Variants in NR2F1-AS1 observed in about 807,000 individuals in gnomAD.
The protein encoded by NR2F1-AS1 is NR2F1 antisense RNA 1.
intron 4 of NR2F1-AS1, among the ~76,000 whole-genome samples, chr5:93,468,450 T>C (rs958691302): frequency 4.6e-5 from 7 of 152,222 alleles, no homozygotes; most frequent in African/African-American, 7.2e-5. Context: ...AATGTCTTCT[T>C]TTGAGAAGTG....
chr5:93,573,688 G>T (rs1752829495), intron 1 of NR2F1-AS1, among the ~76,000 whole-genome samples: 1 of 152,208 alleles, frequency 6.6e-6, no homozygotes, highest in South Asian at 2.1e-4. Flanking sequence ...GACTGGTTTT[G>T]ATGACAGTGA....
intron 4 of NR2F1-AS1, among the ~76,000 whole-genome samples, chr5:93,425,943 T>G (rs1414790471): frequency 2.0e-5 from 3 of 151,962 alleles, no homozygotes; most frequent in African/African-American, 7.2e-5. Flanking sequence ...AAACAAAGAT[T>G]AAAGTCTCCC....
intron 4 of NR2F1-AS1, among the ~76,000 whole-genome samples, chr5:93,482,748 C>T (rs7719664): frequency 0.021 from 3,157 of 152,216 alleles, 124 homozygotes; most frequent in African/African-American, 0.072. Flanking sequence ...CAACCTGGGA[C>T]GCTCTAGCTT....
rs1419635676 is a variant in NR2F1-AS1, at chr5:93,490,285, ATAGTTTTCAT to A, written n.638+63466_638+63475del. On this transcript the variant is annotated intron_variant and non_coding_transcript_variant, in intron 4 of 5. Transcript: ENST00000660523. Reference sequence around the variant, plus strand: ...GAGCTTTCCCTAATTAGACAGACTCATAGTTTTCATTAAGAAGTTCAGTAAATAAATATTT... The same window carrying A: ...GAGCTTTCCCTAATTAGACAGACTCATAAGAAGTTCAGTAAATAAATATTT... 3.9e-5 allele frequency among the ~76,000 whole-genome samples: 6 copies of A among 152,370 alleles called. No individual in the cohort carries two copies. In the East Asian group the frequency reaches 1.2e-3, roughly 29 times the overall value.
rs116513208 is a variant in NR2F1-AS1 at position 93,423,550 on chromosome 5, T to C, written n.639-28008A>G. 5.9e-3 allele frequency among the ~76,000 whole-genome samples: 903 copies of C among 152,330 alleles called. 2 individuals are homozygous for C. Among genetic ancestry groups the C allele is most frequent in the Non-Finnish European group, 0.01 (685 of 68,030 alleles). Reference sequence around the variant, plus strand: ...CATTGCTTTGCACTGAGATCAGGATTATGGTGCCCAAGTAGGCACTCTTGT... The same window carrying C: ...CATTGCTTTGCACTGAGATCAGGATCATGGTGCCCAAGTAGGCACTCTTGT... On this transcript the variant is annotated intron_variant and non_coding_transcript_variant, in intron 4 of 5. Coordinates refer to ENST00000660523, the Ensembl canonical transcript of NR2F1-AS1.
intron 4 of NR2F1-AS1, among the ~76,000 whole-genome samples, chr5:93,448,784 T>C (rs1467591921): frequency 1.3e-5 from 2 of 152,176 alleles, no homozygotes; most frequent in Admixed American, 6.5e-5. Flanking sequence ...AGGTCTTCAG[T>C]TGACAGGCTG....
intron 4 of NR2F1-AS1, among the ~76,000 whole-genome samples, chr5:93,475,454 G>C (rs1441508617): frequency 2.6e-5 from 4 of 152,286 alleles, no homozygotes; most frequent in Middle Eastern, 6.8e-3. Context: ...AGAATTAGCA[G>C]ATTACTACAA....
intron 4 of NR2F1-AS1, among the ~76,000 whole-genome samples, chr5:93,444,416 CAG>C (rs1350550727): frequency 6.6e-6 from 1 of 152,110 alleles, no homozygotes; most frequent in African/African-American, 2.4e-5. Context: ...TCTGATCAAA[CAG>C]ACTTTAAACC....
intron 4 of NR2F1-AS1, among the ~76,000 whole-genome samples, chr5:93,427,660 G>A (rs1183038676): frequency 6.6e-6 from 1 of 152,140 alleles, no homozygotes; most frequent in Non-Finnish European, 1.5e-5. Context: ...ACCACTTGCT[G>A]ACAGTAAATT....
At chr5:93,508,155 A>G (rs1751224287) in intron 4 of NR2F1-AS1, among the ~76,000 whole-genome samples, 1 of 152,202 alleles carries the variant, frequency 6.6e-6, no homozygotes, top group Non-Finnish European at 1.5e-5. Flanking sequence ...GACTGAAAAT[A>G]AGATACTTTT....
chr5:93,455,563 T>G (rs2149859823), intron 4 of NR2F1-AS1, among the ~76,000 whole-genome samples: 1 of 152,190 alleles, frequency 6.6e-6, no homozygotes, highest in South Asian at 2.1e-4. Context: ...ATAGAGAAAC[T>G]TACTTTAAAC....
intron 4 of NR2F1-AS1, among the ~76,000 whole-genome samples, chr5:93,445,089 G>A (rs74941360): frequency 1.3e-5 from 2 of 152,100 alleles, no homozygotes; most frequent in Non-Finnish European, 2.9e-5. Context: ...ATACCAACAA[G>A]AGGAAGCAGG....
intron 1 of NR2F1-AS1, among the ~76,000 whole-genome samples, chr5:93,577,144 G>C (rs746820159): frequency 2.6e-5 from 4 of 152,224 alleles, no homozygotes; most frequent in African/African-American, 9.6e-5. Context: ...CTCTCCTGCC[G>C]TCCTTCCTCC....
intron 4 of NR2F1-AS1, among the ~76,000 whole-genome samples, chr5:93,469,606 G>A (rs1750323613): frequency 6.6e-6 from 1 of 152,044 alleles, no homozygotes; most frequent in Admixed American, 6.6e-5. Context: ...TCTTAGGCTA[G>A]AAACCAGATT....
intron 4 of NR2F1-AS1, among the ~76,000 whole-genome samples, chr5:93,471,565 A>AT (rs1304654586): frequency 6.6e-6 from 1 of 151,880 alleles, no homozygotes; most frequent in Non-Finnish European, 1.5e-5. Context: ...TTCTGTAGTA[A>AT]TTACACCTTT....
intron 4 of NR2F1-AS1, among the ~76,000 whole-genome samples, chr5:93,552,638 T>C (rs1220232713): frequency 1.7e-5 from 2 of 118,712 alleles, no homozygotes; most frequent in Non-Finnish European, 3.6e-5. Context: ...GTTTATACTG[T>C]AAAGAAGAAA....
intron 4 of NR2F1-AS1, among the ~76,000 whole-genome samples, chr5:93,514,161 C>A (rs1468646485): frequency 6.6e-6 from 1 of 151,950 alleles, no homozygotes; most frequent in Admixed American, 6.6e-5. Flanking sequence ...AAATACAGGA[C>A]TACTTACAGG....
chr5:93,473,247 C>A (rs892279704), intron 4 of NR2F1-AS1, among the ~76,000 whole-genome samples: 1 of 151,826 alleles, frequency 6.6e-6, no homozygotes, highest in Non-Finnish European at 1.5e-5. Flanking sequence ...GCACTAAAAT[C>A]TGCCATATAT....
chr5:93,565,643 T>C (rs1215311661), intron 1 of NR2F1-AS1, among the ~76,000 whole-genome samples: 1 of 152,006 alleles, frequency 6.6e-6, no homozygotes, highest in South Asian at 2.1e-4. Flanking sequence ...TGAAATACTT[T>C]CTAGTCTTTT....
Sources: allele counts gnomAD v4.1 joint callset (sites outside exome capture counted in the v4.1 genomes callset), GRCh38; gene constraint gnomAD v4.1.1; transcripts MANE v1.5; gene names NCBI Gene and HGNC (gene_info 2026-07-23, HGNC 2026-07-21).